The following AHI1 variants were observed in gnomAD, a reference collection of about 807,000 sequenced individuals.
AHI1 encodes Abelson helper integration site 1.
AHI1 carries 123 observed loss-of-function variants against 149.3 expected under a neutral mutation model. The ratio of observed to expected loss-of-function variants is 0.82; its 90% CI spans 0.71 to 0.96. The LOEUF (loss-of-function observed/expected upper bound fraction) is 0.96, where lower values mean the gene tolerates loss of function less well. Ranked by LOEUF, AHI1 falls within the 40% of genes least tolerant of loss-of-function variation. The pLI is 0.00. For missense variants in AHI1, 1,439 were observed against 1,422.7 expected (o/e 1.01, Z -0.18); for synonymous variants, 475 against 459.8 (o/e 1.03, Z -0.42).
At chr6:135,404,900 G>A in intron 22 of AHI1, 51 bp downstream of exon 22, 11 of 1,547,010 alleles carry the variant, frequency 7.1e-6, no homozygotes, top group Non-Finnish European at 9.8e-6. Context: ...CAGTTCTTTG[G>A]AGCATCACTA....
At chr6:135,382,952 TATAC>T (rs1404154728) in intron 23 of AHI1, among the ~76,000 whole-genome samples, 20 of 83,990 alleles carry the variant, frequency 2.4e-4, no homozygotes, top group African/African-American at 8.0e-4. Context: ...TATATATATA[TATAC>T]ATATAAAATA....
intron 28 of AHI1, among the ~76,000 whole-genome samples, 155 bp downstream of exon 28, chr6:135,290,265 CCAA>C (rs1385094739): frequency 6.6e-6 from 1 of 152,154 alleles, no homozygotes; most frequent in Non-Finnish European, 1.5e-5. Context: ...ACTATCTTCT[CCAA>C]GGTCGCAAAT....
chr6:135,432,441 C>G (rs995596752), intron 16 of AHI1, among the ~76,000 whole-genome samples: 1 of 152,172 alleles, frequency 6.6e-6, no homozygotes, highest in Non-Finnish European at 1.5e-5. Context: ...CAACCTCTAC[C>G]TCCAGGGTTC....
intron 8 of AHI1, 85 bp from the exon 9 acceptor site, chr6:135,457,798 G>T: frequency 7.8e-7 from 1 of 1,282,650 alleles, no homozygotes; most frequent in Non-Finnish European, 1.1e-6. Context: ...TAAGATCTGT[G>T]ATGATCTCAC....
chr6:135,383,047 G>T (rs1452215961), intron 23 of AHI1, among the ~76,000 whole-genome samples: 1 of 146,514 alleles, frequency 6.8e-6, no homozygotes, highest in East Asian at 2.0e-4. Context: ...TGTGAAATAT[G>T]CGAAAACAAG....
intron 5 of AHI1, chr6:135,490,243 A>G (rs1436606273): frequency 1.4e-6 from 1 of 721,792 alleles, no homozygotes; most frequent in Admixed American, 2.0e-5. Context: ...GTAGAATCAC[A>G]CAGAAATAGT....
At chr6:135,487,153 C>T (rs1794592984) in intron 5 of AHI1, among the ~76,000 whole-genome samples, 1 of 144,186 alleles carries the variant, frequency 6.9e-6, no homozygotes, top group African/African-American at 2.7e-5. Context: ...TCAGTTTGCT[C>T]TTACTTAAAT....
intron 24 of AHI1, among the ~76,000 whole-genome samples, chr6:135,346,483 A>G (rs1582726917): frequency 6.6e-6 from 1 of 152,106 alleles, no homozygotes; most frequent in Non-Finnish European, 1.5e-5. Flanking sequence ...TACAGGCGTG[A>G]GCCATCATGC....
At chr6:135,369,662 C>T (rs1242510854) in intron 23 of AHI1, among the ~76,000 whole-genome samples, 1 of 152,154 alleles carries the variant, frequency 6.6e-6, no homozygotes, top group Non-Finnish European at 1.5e-5. Flanking sequence ...TTCTTCTTCC[C>T]ATGCCTCCTC....
intron 23 of AHI1, among the ~76,000 whole-genome samples, chr6:135,392,091 CT>C (rs1251290921): frequency 6.6e-6 from 1 of 152,152 alleles, no homozygotes; most frequent in African/African-American, 2.4e-5. Flanking sequence ...TCTGGTGACA[CT>C]TTGTTTACAC....
At position 135,477,287 on chromosome 6, in the gene AHI1, G is replaced by A. The variant is rs564125779; in HGVS notation, c.136-9653C>T. 3.3e-5 allele frequency among the ~76,000 whole-genome samples: 5 copies of A among 152,128 alleles called. No homozygotes were observed. The South Asian group carries it at 6.2e-4, about 19-fold the overall frequency. Reference sequence around the variant, plus strand: ...TATCTCCTGACCTCGTGATCCACTCGCCTCGGCCTCCCAAAATGCTGGGAT... The same window carrying A: ...TATCTCCTGACCTCGTGATCCACTCACCTCGGCCTCCCAAAATGCTGGGAT... On this transcript the variant is annotated intron_variant, in intron 5 of 28. Transcript: ENST00000265602.
rs756965683 is a variant in AHI1 at position 135,442,562 on chromosome 6, C to CA, written c.1912+19dup. On this transcript the variant is annotated intron_variant, in intron 14 of 28. Coordinates refer to ENST00000265602, the MANE Select transcript of AHI1 (RefSeq NM_001134831.2). The stretch of plus-strand genomic sequence containing the variant: ...CCACGTGGACTACAATCAGATTAAA[C>CA]AGGTAGGATTATTACTCACAAATAA... 4 of 1,594,538 alleles carry CA rather than the reference C, an allele frequency of 2.5e-6. No individual in the cohort carries two copies. The highest frequency in any genetic ancestry group is 1.1e-5 in the South Asian group (1 of 87,004).
intron 21 of AHI1, among the ~76,000 whole-genome samples, chr6:135,405,859 C>CAAAAAAAAAAA (rs543403253): frequency 5.3e-4 from 15 of 28,102 alleles, no homozygotes; most frequent in Admixed American, 1.0e-3. Context: ...GACTCCAACT[C>CAAAAAAAAAAA]AAAAAAAAAA....
At chr6:135,345,586 C>T (rs934160265) in intron 24 of AHI1, among the ~76,000 whole-genome samples, 4 of 151,826 alleles carry the variant, frequency 2.6e-5, no homozygotes, top group Admixed American at 1.3e-4. Flanking sequence ...CTACACAGTG[C>T]GTTTATATAA....
At chr6:135,385,242 G>C (rs1372113184) in intron 23 of AHI1, among the ~76,000 whole-genome samples, 1 of 151,986 alleles carries the variant, frequency 6.6e-6, no homozygotes, top group Non-Finnish European at 1.5e-5. Context: ...AAAATCACTG[G>C]CATATGAGTT....
intron 24 of AHI1, among the ~76,000 whole-genome samples, chr6:135,334,294 A>G (rs1789042897): frequency 6.6e-6 from 1 of 152,224 alleles, no homozygotes; most frequent in African/African-American, 2.4e-5. Context: ...GAAGGCAGGA[A>G]TGGAATTAAA....
chr6:135,386,690 G>C lies in AHI1; in HGVS notation c.3109+8086C>G, dbSNP rs1777643832. Among the ~76,000 whole-genome samples, 6 of 152,086 alleles carry C rather than the reference G, an allele frequency of 3.9e-5. No homozygotes were observed. In the South Asian group the frequency reaches 1.2e-3, roughly 32 times the overall value. On this transcript the variant is annotated intron_variant, in intron 23 of 28. Coordinates refer to ENST00000265602, the MANE Select transcript of AHI1 (RefSeq NM_001134831.2). ...TTGTCATCCAGGCTGGAGTGCAATG[G>C]CGTGGTCTCAGCTCACTGCAACTTC...
intron 24 of AHI1, among the ~76,000 whole-genome samples, chr6:135,345,323 A>G (rs1317571225): frequency 6.6e-6 from 1 of 152,310 alleles, no homozygotes; most frequent in East Asian, 1.9e-4. Context: ...TCCTAAATAT[A>G]TACACCCAAG....
chr6:135,293,667 A>G (rs1299231583), intron 27 of AHI1, among the ~76,000 whole-genome samples: 1 of 140,126 alleles, frequency 7.1e-6, no homozygotes, highest in Non-Finnish European at 1.5e-5. Context: ...CCAAAGACCT[A>G]TACACTGTAT....
Sources: allele counts gnomAD v4.1 joint callset (sites outside exome capture counted in the v4.1 genomes callset), GRCh38; gene constraint gnomAD v4.1.1; transcripts MANE v1.5; gene names NCBI Gene and HGNC (gene_info 2026-07-23, HGNC 2026-07-21).